Variants in ZSCAN25 observed in about 807,000 individuals in gnomAD.
ZSCAN25 encodes zinc finger and SCAN domain containing 25, also known as zinc finger and SCAN domain-containing protein 25.
ZSCAN25 carries 27 observed loss-of-function variants against 38.7 expected under a neutral mutation model. The ratio of observed to expected loss-of-function variants is 0.70; its 90% confidence interval spans 0.51 to 0.96. The LOEUF (loss-of-function observed/expected upper bound fraction) is 0.96. Among genes scored for constraint, ZSCAN25 ranks in the 40% least tolerant of loss-of-function variants. The pLI is 0.00. For missense variants in ZSCAN25, 637 were observed against 705.9 expected (o/e 0.90, Z 1.11); for synonymous variants, 273 against 277.7 (o/e 0.98, Z 0.17).
At chr7:99,708,053 G>T in the ZSCAN25 span, 1 of 1,599,182 alleles carries the variant, frequency 6.3e-7, no homozygotes, top group Non-Finnish European at 8.6e-7. Context: ...TTCTTACTTA[G>T]GGCCCACCCC....
chr7:99,676,958 T>C, the ZSCAN25 span, among the ~76,000 whole-genome samples: 17 of 152,180 alleles, frequency 1.1e-4, no homozygotes, highest in Non-Finnish European at 2.2e-4. Context: ...CCTTGAATGA[T>C]TGTGTGCAGA....
chr7:99,697,253 A>G, the ZSCAN25 span, among the ~76,000 whole-genome samples: 1 of 152,018 alleles, frequency 6.6e-6, no homozygotes, highest in Non-Finnish European at 1.5e-5. Flanking sequence ...CCTGCTTGCA[A>G]CTCATCTTTG....
chr7:99,710,835 T>G, the ZSCAN25 span: 13 of 1,613,864 alleles, frequency 8.1e-6, no homozygotes, highest in Non-Finnish European at 1.0e-5. Flanking sequence ...GCTCGTGGTT[T>G]CATAGCCAGC....
chr7:99,624,370 C>T (rs1584355784), intron 7 of ZSCAN25, 190 bp downstream of exon 7: 1 of 643,674 alleles, frequency 1.6e-6, no homozygotes, highest in Non-Finnish European at 2.6e-6. Context: ...AATGATGGAG[C>T]AGGAAAACAT....
chr7:99,715,886 A>G, the ZSCAN25 span: 3 of 1,613,878 alleles, frequency 1.9e-6, no homozygotes, highest in South Asian at 1.1e-5. Context: ...GATCACATCC[A>G]TGCTGTAGGC....
the ZSCAN25 span, among the ~76,000 whole-genome samples, chr7:99,682,703 C>A: frequency 6.6e-6 from 1 of 151,632 alleles, no homozygotes; most frequent in African/African-American, 2.4e-5. Context: ...TGAATCTGTG[C>A]ATTGCTTTGG....
chr7:99,691,008 G>A, the ZSCAN25 span, among the ~76,000 whole-genome samples: 4 of 152,128 alleles, frequency 2.6e-5, no homozygotes, highest in African/African-American at 9.7e-5. Flanking sequence ...GTTTATTGTG[G>A]CACTATTCAC....
chr7:99,624,342 G>A (rs1229636979), intron 7 of ZSCAN25, 162 bp downstream of exon 7: 1 of 779,900 alleles, frequency 1.3e-6, no homozygotes, highest in East Asian at 2.7e-5. Context: ...CTGCTTTCCT[G>A]TGTCAATAGA....
chr7:99,666,625 T>G, the ZSCAN25 span: 1 of 1,613,986 alleles, frequency 6.2e-7, no homozygotes, highest in South Asian at 1.1e-5. Context: ...AGGCTTGCCT[T>G]TCTCTGCTTC....
chr7:99,669,767 A>G, the ZSCAN25 span, among the ~76,000 whole-genome samples: 1 of 152,198 alleles, frequency 6.6e-6, no homozygotes, highest in Non-Finnish European at 1.5e-5. Context: ...ACACAACTAA[A>G]TCAAGAGATT....
At chr7:99,664,048 G>C in the ZSCAN25 span, 2 of 1,599,536 alleles carry the variant, frequency 1.3e-6, no homozygotes, top group Non-Finnish European at 1.7e-6. Context: ...TTTGGAAACA[G>C]AGAGACATTT....
the ZSCAN25 span, among the ~76,000 whole-genome samples, chr7:99,666,313 TG>T: frequency 6.6e-6 from 1 of 152,188 alleles, no homozygotes; most frequent in African/African-American, 2.4e-5. Context: ...GATACAATCA[TG>T]TTTTTTTAAT....
the ZSCAN25 span, chr7:99,658,727 C>T: frequency 5.3e-5 from 8 of 152,296 alleles, no homozygotes; most frequent in East Asian, 7.7e-4. Context: ...ACCAATCAGA[C>T]GTAGATTTGG....
the ZSCAN25 span, among the ~76,000 whole-genome samples, chr7:99,643,240 C>G: frequency 2.0e-5 from 3 of 152,020 alleles, no homozygotes; most frequent in African/African-American, 7.3e-5. Context: ...TCTCCCCATA[C>G]CCCTAAGCAA....
At chr7:99,688,641 G>T in the ZSCAN25 span, among the ~76,000 whole-genome samples, 15 of 151,950 alleles carry the variant, frequency 9.9e-5, no homozygotes, top group Admixed American at 9.8e-4. Context: ...AGGATACCCA[G>T]GAATTGAACT....
At chr7:99,698,740 A>G in the ZSCAN25 span, among the ~76,000 whole-genome samples, 2 of 152,162 alleles carry the variant, frequency 1.3e-5, no homozygotes, top group Non-Finnish European at 2.9e-5. Flanking sequence ...CAAATACTGA[A>G]CTAACAGCCC....
the ZSCAN25 span, chr7:99,707,786 A>T: frequency 6.2e-7 from 1 of 1,613,258 alleles, no homozygotes; most frequent in Non-Finnish European, 8.5e-7. Flanking sequence ...TTAATAAAAC[A>T]TTATTAATGC....
chr7:99,638,627 A>C, the ZSCAN25 span: 1 of 1,585,636 alleles, frequency 6.3e-7, no homozygotes, highest in East Asian at 2.2e-5. Flanking sequence ...TCCACGTTGA[A>C]ACCCACAGTG....
chr7:99,684,620 G>A, the ZSCAN25 span, among the ~76,000 whole-genome samples: 1 of 152,146 alleles, frequency 6.6e-6, no homozygotes, highest in Non-Finnish European at 1.5e-5. Context: ...TTACTTGTTG[G>A]TTCTCATTCA....
Sources: allele counts gnomAD v4.1 joint callset (sites outside exome capture counted in the v4.1 genomes callset), GRCh38; gene constraint gnomAD v4.1.1; transcripts MANE v1.5; gene names NCBI Gene and HGNC (gene_info 2026-07-23, HGNC 2026-07-21).